The following PRKDC variants were observed in gnomAD, a reference collection of about 807,000 sequenced individuals.
PRKDC encodes the protein DNA-dependent protein kinase catalytic subunit.
In PRKDC, 82 loss-of-function variants were observed where a neutral mutation model predicts 486.9. That is an observed-to-expected ratio of 0.17 (90% CI 0.14 to 0.20). PRKDC has a LOEUF of 0.20. PRKDC is among the 10% of genes least tolerant of loss of function. The pLI is 1.00. For missense variants in PRKDC, 4,504 were observed against 5,038.2 expected, an observed-to-expected ratio of 0.89 and a Z score of 3.21; for synonymous variants, 1,895 against 1,837.0, an observed-to-expected ratio of 1.03 and a Z score of -0.81.
intron 40 of PRKDC, among the ~76,000 whole-genome samples, chr8:47,873,554 C>T (rs2089010479): frequency 6.6e-6 from 1 of 152,268 alleles, no homozygotes; most frequent in Admixed American, 6.5e-5. Flanking sequence ...CGAAGAGGTA[C>T]TTGCACTCCC....
chr8:47,890,564 G>T, intron 31 of PRKDC, 84 bp from the exon 32 acceptor site: 2 of 1,057,278 alleles, frequency 1.9e-6, no homozygotes, highest in South Asian at 1.6e-5. Context: ...TGTAAGTATA[G>T]GCATGGTATA....
intron 73 of PRKDC, among the ~76,000 whole-genome samples, chr8:47,795,152 C>G (rs1453030854): frequency 6.7e-6 from 1 of 149,914 alleles, no homozygotes; most frequent in Non-Finnish European, 1.5e-5. Context: ...TCCCAAAGTG[C>G]TGGGACTATA....
chr8:47,851,958 A>T (rs552513466), intron 52 of PRKDC, among the ~76,000 whole-genome samples: 5 of 152,256 alleles, frequency 3.3e-5, no homozygotes, highest in African/African-American at 1.2e-4. Flanking sequence ...TCTACAAAAA[A>T]TACAAAAATT....
chr8:47,861,905 C>T (rs995434047), intron 44 of PRKDC, among the ~76,000 whole-genome samples, 157 bp downstream of exon 44: 5 of 152,236 alleles, frequency 3.3e-5, no homozygotes, highest in African/African-American at 1.2e-4. Flanking sequence ...GAGATTGTAT[C>T]TGAAGCTACA....
At chr8:47,799,428 G>T in intron 71 of PRKDC, 38 bp from the exon 72 acceptor site, 1 of 1,436,764 alleles carries the variant, frequency 7.0e-7, no homozygotes, top group South Asian at 1.7e-5. Flanking sequence ...GAGCATGACT[G>T]AAGCTTTCTC....
At chr8:47,777,652 C>G in intron 84 of PRKDC, 34 bp downstream of exon 84, 1 of 1,538,600 alleles carries the variant, frequency 6.5e-7, no homozygotes, top group Non-Finnish European at 8.8e-7. Context: ...GACACTGTCA[C>G]AAAAGTGAAA....
At position 47,929,731 on chromosome 8, in the gene PRKDC, CAT is replaced by C. The variant is rs1275739654; in HGVS notation, c.2052+120_2052+121del. ...ATTCACATATCAATTTTTTTAAACA[CAT>C]AGAATAAAATTAGTAGACTTTAAAA... On this transcript the variant is annotated intron_variant, in intron 18 of 85. Transcript: ENST00000314191. 3.9e-5 allele frequency: 44 copies of C among 1,130,526 alleles called. No individual in the cohort carries two copies. The Admixed American group carries it at 7.0e-4, about 18-fold the overall frequency. 70.0% of individuals were successfully genotyped at this position (1,130,526 alleles called of 1,614,324 possible). A position where few individuals can be genotyped will look rare whatever the true frequency, so the allele number is the denominator to read the frequency against.
chr8:47,915,680 A>G (rs1403428015), intron 22 of PRKDC, among the ~76,000 whole-genome samples: 1 of 152,240 alleles, frequency 6.6e-6, no homozygotes, highest in Non-Finnish European at 1.5e-5. Flanking sequence ...TACTAAACCC[A>G]TTACATGTTA....
intron 68 of PRKDC, among the ~76,000 whole-genome samples, chr8:47,811,697 C>T (rs2087328593): frequency 6.6e-6 from 1 of 152,142 alleles, no homozygotes; most frequent in South Asian, 2.1e-4. Flanking sequence ...AGTATTTTGG[C>T]AGGGCATGGT....
In PRKDC at chr8:47,782,324, T is replaced by A; in HGVS notation, c.11396+54A>T. The stretch of plus-strand genomic sequence containing the variant: ...TTTCTTCACTAGAAAAACAGTCCCG[T>A]GGACGCCAAGCAATATGCAGCAGCC... On this transcript the variant is annotated intron_variant, in intron 79 of 85. Transcript: ENST00000314191. The surrounding 1 kb of genome is among the most constrained non-coding windows in gnomAD (Gnocchi z 4.9). 1 of 1,611,378 alleles carries A rather than the reference T, an allele frequency of 6.2e-7. No homozygotes were observed. Among genetic ancestry groups the A allele is most frequent in the Non-Finnish European group, 8.5e-7 (1 of 1,178,140 alleles).
rs2090413221 is a variant in PRKDC at position 47,939,806 on chromosome 8, T to C, written c.967-109A>G. 8.3e-6 allele frequency: 8 copies of C among 964,452 alleles called. No individual in the cohort carries two copies. The South Asian group carries it at 1.7e-4, about 20-fold the overall frequency. 59.7% of individuals were successfully genotyped at this position (964,452 alleles called of 1,614,324 possible). ...GATGCTACTAATGTACTGTTATAGT[T>C]ACACGCAATTGCTTTTAATCATAAA... On this transcript the variant is annotated intron_variant, in intron 10 of 85. Transcript: ENST00000314191.
intron 57 of PRKDC, 112 bp from the exon 58 acceptor site, chr8:47,836,639 G>T: frequency 1.0e-6 from 1 of 979,700 alleles, no homozygotes; most frequent in Non-Finnish European, 1.5e-6. Context: ...CAGCATATTT[G>T]TACCATAACT....
chr8:47,860,016 T>C (rs1293803594), intron 45 of PRKDC, among the ~76,000 whole-genome samples: 1 of 152,240 alleles, frequency 6.6e-6, no homozygotes, highest in Non-Finnish European at 1.5e-5. Context: ...ATTTTGCATA[T>C]GATTAACACA....
At chr8:47,779,997 C>T (rs2086672047) in intron 80 of PRKDC, among the ~76,000 whole-genome samples, 1 of 151,052 alleles carries the variant, frequency 6.6e-6, no homozygotes, top group Admixed American at 6.6e-5. Flanking sequence ...TTGCTACAAC[C>T]TCTACCTCCT....
chr8:47,876,132 G>A (rs1416019170), intron 40 of PRKDC, among the ~76,000 whole-genome samples: 1 of 152,192 alleles, frequency 6.6e-6, no homozygotes, highest in Non-Finnish European at 1.5e-5. Context: ...AAATGGTCCT[G>A]TGGGGTCTTA....
intron 52 of PRKDC, among the ~76,000 whole-genome samples, chr8:47,850,945 G>A (rs1056320220): frequency 6.6e-6 from 1 of 152,196 alleles, no homozygotes; most frequent in African/African-American, 2.4e-5. Context: ...GAGTAGCTGG[G>A]ATTATGGGAG....
intron 58 of PRKDC, 34 bp from the exon 59 acceptor site, chr8:47,834,430 G>A: frequency 1.2e-6 from 2 of 1,606,000 alleles, no homozygotes; most frequent in Non-Finnish European, 1.7e-6. Flanking sequence ...CAGGCACTCA[G>A]CATCACCCAG....
rs911095629 is a variant in PRKDC at position 47,890,290 on chromosome 8, C to T, written c.4038G>A (p.Thr1346=). ...TVVVRIMEFT[T]TLLNTSPEGW... The stretch of plus-strand genomic sequence containing the variant: ...CTTCCGGGGAGGTGTTTAGCAGAGT[C>T]GTGGTAAACTCCATAATCCGGACCA... The change falls in exon 32 of 86, where the codon ACG becomes ACA. Residue 1346 remains threonine (T), a synonymous_variant. Transcript: ENST00000314191. 1.2e-5 allele frequency: 19 copies of T among 1,612,220 alleles called. No homozygotes were observed. Among genetic ancestry groups the T allele is most frequent in the Middle Eastern group, 2.0e-4 (1 of 5,058 alleles).
chr8:47,943,730 ACT>A (rs1486203550), intron 9 of PRKDC, 121 bp downstream of exon 9: 1 of 885,446 alleles, frequency 1.1e-6, no homozygotes, highest in Non-Finnish European at 1.7e-6. Flanking sequence ...CCTGTAAATA[ACT>A]GTGTGTGAAA....
Sources: allele counts gnomAD v4.1 joint callset (sites outside exome capture counted in the v4.1 genomes callset), GRCh38; gene constraint gnomAD v4.1.1; non-coding constraint Gnocchi (gnomAD v3.1); transcripts MANE v1.5; gene names NCBI Gene and HGNC (gene_info 2026-07-23, HGNC 2026-07-21).